The following NRXN3 variants were observed in gnomAD, a reference collection of about 807,000 sequenced individuals.
NRXN3 encodes the protein neurexin III.
Under a neutral mutation model 137.6 loss-of-function variants are expected in NRXN3, and 32 were observed. The ratio of observed to expected loss-of-function variants is 0.23; its 90% CI spans 0.18 to 0.31. NRXN3 has a LOEUF of 0.31. Among genes scored for constraint, NRXN3 ranks in the 10% least tolerant of loss-of-function variants. The pLI is 1.00. For synonymous variants in NRXN3, 798 were observed against 784.5 expected, an observed-to-expected ratio of 1.02 and a Z score of -0.29; for missense variants, 1,574 against 2,062.5, an observed-to-expected ratio of 0.76 and a Z score of 4.59.
chr14:79,092,070 A>G (rs958048458), intron 15 of NRXN3, among the ~76,000 whole-genome samples: 17 of 152,270 alleles, frequency 1.1e-4, no homozygotes, highest in African/African-American at 3.9e-4. Context: ...TATTTTCTCT[A>G]TCTTAAGGTT....
chr14:78,356,771 T>C (rs1446087592), intron 4 of NRXN3, among the ~76,000 whole-genome samples: 1 of 152,278 alleles, frequency 6.6e-6, no homozygotes, highest in African/African-American at 2.4e-5. Context: ...GCCAGTTTAA[T>C]TGTCACAAAT....
intron 15 of NRXN3, among the ~76,000 whole-genome samples, chr14:79,229,405 A>T (rs996575613): frequency 6.6e-6 from 1 of 152,162 alleles, no homozygotes; most frequent in Non-Finnish European, 1.5e-5. Context: ...GCCCCGGGAA[A>T]CTTCAGTGTA....
chr14:79,738,524 G>A (rs918273208), intron 19 of NRXN3, among the ~76,000 whole-genome samples: 1 of 152,050 alleles, frequency 6.6e-6, no homozygotes, highest in Non-Finnish European at 1.5e-5. Context: ...CAAATTTCTG[G>A]CCTCCAGAAC....
At chr14:78,324,955 A>T (rs1204091494) in intron 4 of NRXN3, among the ~76,000 whole-genome samples, 1 of 151,870 alleles carries the variant, frequency 6.6e-6, no homozygotes, top group African/African-American at 2.4e-5. Context: ...ACTGACATTC[A>T]TACGTGATGC....
At chr14:79,528,341 T>C (rs1350320068) in intron 16 of NRXN3, among the ~76,000 whole-genome samples, 1 of 152,190 alleles carries the variant, frequency 6.6e-6, no homozygotes, top group Non-Finnish European at 1.5e-5. Context: ...ATTAAACTTT[T>C]TGATGTTATA....
chr14:79,354,614 A>G (rs533900767), intron 15 of NRXN3, among the ~76,000 whole-genome samples: 1 of 152,272 alleles, frequency 6.6e-6, no homozygotes, highest in South Asian at 2.1e-4. Flanking sequence ...GTTACACAGA[A>G]GGTATTCAAG....
chr14:78,803,445 G>C (rs915253992), intron 8 of NRXN3, among the ~76,000 whole-genome samples, 175 bp from the exon 9 acceptor site: 3 of 152,160 alleles, frequency 2.0e-5, no homozygotes, highest in Non-Finnish European at 4.4e-5. Context: ...CAGAGGTTAA[G>C]TGGTCTGCCC....
chr14:78,774,310 TAATA>T (rs1425477338), intron 8 of NRXN3, among the ~76,000 whole-genome samples: 2 of 152,210 alleles, frequency 1.3e-5, no homozygotes, highest in African/African-American at 4.8e-5. Flanking sequence ...TATTCACTAA[TAATA>T]AATCCTAAGA....
rs114344378 is a variant in NRXN3, at chr14:78,283,888, T to C, written c.727+5226T>C. Among the ~76,000 whole-genome samples the C allele has an allele frequency of 7.1e-3, 1,087 of 152,312 alleles. 11 individuals carry two copies. Among genetic ancestry groups the C allele is most frequent in the African/African-American group, 0.025 (1,028 of 41,572 alleles). On this transcript the variant is annotated intron_variant, in intron 3 of 20. Coordinates refer to ENST00000335750, the MANE Select transcript of NRXN3 (RefSeq NM_001330195.2). ...CTCACAGCCTCTAAAGTGTTTACAA[T>C]CTGGCTCCTTATTAAACAAAAGTTT...
chr14:79,534,231 G>T, intron 16 of NRXN3, among the ~76,000 whole-genome samples: 1 of 152,084 alleles, frequency 6.6e-6, no homozygotes, highest in East Asian at 1.9e-4. Context: ...AATGTCTATT[G>T]GTATACTTGG....
At chr14:78,590,965 G>A (rs2097110894) in intron 4 of NRXN3, among the ~76,000 whole-genome samples, 1 of 152,090 alleles carries the variant, frequency 6.6e-6, no homozygotes. Context: ...ACAGGAGATG[G>A]AACAAATGGT....
rs1449121651 is a variant in NRXN3 at position 78,693,890 on chromosome 14, A to C, written c.1222-15327A>C. Among the ~76,000 whole-genome samples, 2 of 151,842 alleles carry C rather than the reference A, an allele frequency of 1.3e-5. 1 individual carries two copies. ...TCTTCTGGGGCATTTTTCAGCCTCAACTCAACTGTCACTCCCACTATACTG... is the reference window on the plus strand; with the variant it reads ...TCTTCTGGGGCATTTTTCAGCCTCACCTCAACTGTCACTCCCACTATACTG... On this transcript the variant is annotated intron_variant, in intron 6 of 20. Coordinates refer to ENST00000335750, the MANE Select transcript of NRXN3 (RefSeq NM_001330195.2).
intron 19 of NRXN3, among the ~76,000 whole-genome samples, chr14:79,715,720 G>A (rs544081975): frequency 6.6e-5 from 10 of 152,316 alleles, no homozygotes; most frequent in African/African-American, 2.4e-4. Flanking sequence ...TCATGACACA[G>A]TGTGATAAAG....
intron 6 of NRXN3, among the ~76,000 whole-genome samples, chr14:78,692,019 C>T (rs1419612367): frequency 1.3e-5 from 2 of 152,100 alleles, no homozygotes; most frequent in African/African-American, 2.4e-5. Flanking sequence ...AACTCTGGGC[C>T]TATAAATTTA....
At chr14:78,414,507 A>G (rs573733048) in intron 4 of NRXN3, among the ~76,000 whole-genome samples, 1 of 152,176 alleles carries the variant, frequency 6.6e-6, no homozygotes, top group Non-Finnish European at 1.5e-5. Context: ...TTCCTTTCTC[A>G]TGAAATAGGC....
intron 10 of NRXN3, among the ~76,000 whole-genome samples, chr14:78,950,466 C>T (rs1211904463): frequency 3.9e-5 from 6 of 152,144 alleles, no homozygotes; most frequent in African/African-American, 1.4e-4. Context: ...TCATTTTACA[C>T]TGTGATCACA....
At chr14:78,491,289 G>C (rs985810639) in intron 4 of NRXN3, among the ~76,000 whole-genome samples, 1 of 138,752 alleles carries the variant, frequency 7.2e-6, no homozygotes, top group African/African-American at 2.5e-5. Context: ...CCACTCAGAG[G>C]GGGAGGGAAA....
In NRXN3 at chr14:79,831,971, C is replaced by T. The variant is rs1017068096; in HGVS notation, c.4093+26781C>T. 3.3e-5 allele frequency among the ~76,000 whole-genome samples: 5 copies of T among 152,050 alleles called. No individual in the cohort carries two copies. In the East Asian group the frequency reaches 9.7e-4, roughly 29 times the overall value. ...TCATAATACTTTAGTATTTAACAGG[C>T]ACTTTTATATAAGTCAATTGATTTC... On this transcript the variant is annotated intron_variant, in intron 20 of 20. Coordinates refer to ENST00000335750, the MANE Select transcript of NRXN3 (RefSeq NM_001330195.2).
intron 19 of NRXN3, among the ~76,000 whole-genome samples, chr14:79,708,678 A>G (rs1016595183): frequency 6.6e-6 from 1 of 152,074 alleles, no homozygotes; most frequent in African/African-American, 2.4e-5. Flanking sequence ...ATGATTGTAA[A>G]AATTAGAAAC....
Sources: allele counts gnomAD v4.1 joint callset (sites outside exome capture counted in the v4.1 genomes callset), GRCh38; gene constraint gnomAD v4.1.1; transcripts MANE v1.5; gene names NCBI Gene and HGNC (gene_info 2026-07-23, HGNC 2026-07-21).